Variants in MAP1LC3A observed in about 807,000 individuals in gnomAD.
MAP1LC3A encodes microtubule associated protein 1 light chain 3 alpha.
In MAP1LC3A, 10 loss-of-function variants were observed where a neutral mutation model predicts 15.2. That is an observed-to-expected ratio of 0.66 (90% confidence interval 0.41 to 1.12). The LOEUF (loss-of-function observed/expected upper bound fraction) is 1.12. MAP1LC3A is among the 50% of genes most tolerant of loss of function. The pLI is 0.00. For synonymous variants in MAP1LC3A, 63 were observed against 64.3 expected, an observed-to-expected ratio of 0.98 and a Z score of 0.10; for missense variants, 138 against 167.3, an observed-to-expected ratio of 0.82 and a Z score of 0.97.
chr20:34,559,397 G>T lies in MAP1LC3A; in HGVS notation c.147G>T (p.Lys49Asn). The stretch of plus-strand genomic sequence containing the variant: ...AGAAGCAGCTGCCCGTCCTGGACAA[G>T]ACCAAGTTTTTGGTCCCGGACCATG... Reference protein sequence around the residue: ...KGEKQLPVLDKTKFLVPDHVN... With the variant: ...KGEKQLPVLDNTKFLVPDHVN... Residue 49 changes from lysine to asparagine, a missense_variant, in exon 3 of 4, where the codon AAG (lysine) becomes AAT (asparagine). Lys to Asn is a moderately conservative substitution (Grantham distance 94). Coordinates refer to ENST00000360668, the MANE Select transcript of MAP1LC3A (RefSeq NM_032514.4). The T allele has an allele frequency of 6.3e-7, 1 of 1,581,354 alleles. No individual in the cohort carries two copies. Among genetic ancestry groups the T allele is most frequent in the Non-Finnish European group, 8.6e-7 (1 of 1,160,278 alleles).
chr20:34,556,373 A>AGTTCCT (rs1982158648), upstream of MAP1LC3A, among the ~76,000 whole-genome samples: 1 of 152,180 alleles, frequency 6.6e-6, no homozygotes, highest in Non-Finnish European at 1.5e-5. Flanking sequence ...ATTGAAAATA[A>AGTTCCT]TGTGTTGGTC....
At chr20:34,553,448 TG>T (rs369905075) in intron 2 of MAP1LC3A, among the ~76,000 whole-genome samples, 332 of 152,126 alleles carry the variant, frequency 2.2e-3, no homozygotes, top group African/African-American at 6.0e-3. Context: ...GCTTGGGACT[TG>T]GGGCCCTCCT....
intron 2 of MAP1LC3A, among the ~76,000 whole-genome samples, chr20:34,552,107 C>T (rs1323007013): frequency 6.6e-6 from 1 of 152,220 alleles, no homozygotes; most frequent in Non-Finnish European, 1.5e-5. Context: ...AAGCGATTCT[C>T]CTGCCTCAGC....
chr20:34,551,984 T>G (rs1011158861), intron 2 of MAP1LC3A, among the ~76,000 whole-genome samples: 3 of 152,176 alleles, frequency 2.0e-5, no homozygotes, highest in African/African-American at 7.2e-5. Flanking sequence ...GACAGAGACG[T>G]AATAAAGCAG....
In MAP1LC3A at chr20:34,553,619, C is replaced by T. The variant is rs140036834; in HGVS notation, c.52+3590C>T. ...GGTTTGTCCAGTTTGACACACAGCT[C>T]TGGATCAAAAGTCGGCAAACTAAGG... On this transcript the variant is annotated intron_variant, in intron 2 of 4. Transcript: ENST00000374837. 5.4e-4 allele frequency among the ~76,000 whole-genome samples: 83 copies of T among 152,340 alleles called. No homozygotes were observed. In the East Asian group the frequency reaches 0.015, roughly 28 times the overall value.
rs765284583 is a variant in MAP1LC3A at position 34,559,929 on chromosome 20, C to CG, written c.*34dup. 23 of 1,591,360 alleles carry CG rather than the reference C, an allele frequency of 1.4e-5. No homozygotes were observed. The highest frequency in any genetic ancestry group is 2.7e-5 in the African/African-American group (2 of 74,328). On this transcript the variant is annotated 3_prime_UTR_variant, in exon 4 of 4. Transcript: ENST00000360668. Reference sequence around the variant, plus strand: ...CAGTAGGGGGGCTCGGCCTGGGAGTCGGGCGGCCCCGGTCAGGCCCTGCCC... The same window carrying CG: ...CAGTAGGGGGGCTCGGCCTGGGAGTCGGGGCGGCCCCGGTCAGGCCCTGCCC...
chr20:34,548,796 C>T (rs1482140114), intron 1 of MAP1LC3A, among the ~76,000 whole-genome samples: 3 of 152,040 alleles, frequency 2.0e-5, no homozygotes, highest in Admixed American at 2.0e-4. Flanking sequence ...ACCTCCGCCT[C>T]CCGGGTTCAA....
rs1982288641 is a variant in MAP1LC3A at position 34,558,998 on chromosome 20, GCTCTGGCTGGACC to G, written c.40+94_40+106del. ...GGTGACGTCAGCCCCGTGACGTCAG[GCTCTGGCTGGACC>G]CTCGGGCTGGGACCAGCTCCGGCCT... On this transcript the variant is annotated intron_variant, in intron 1 of 3. Coordinates refer to ENST00000360668, the MANE Select transcript of MAP1LC3A (RefSeq NM_032514.4). This position sits in a 1 kb window ranked among gnomAD's most constrained non-coding sequence, Gnocchi z 4.3. 36 of 1,339,706 alleles carry G rather than the reference GCTCTGGCTGGACC, an allele frequency of 2.7e-5. No homozygotes were observed. The highest frequency in any genetic ancestry group is 5.4e-4 in the Middle Eastern group (2 of 3,700). The allele number at this position is 1,339,706 out of a possible 1,614,324, so 83.0% of individuals were successfully genotyped here.
At chr20:34,559,008 G>T (rs1175378998) in intron 1 of MAP1LC3A, 100 bp downstream of exon 1, 1 of 1,339,106 alleles carries the variant, frequency 7.5e-7, no homozygotes, top group African/African-American at 1.5e-5. Context: ...GCTCTGGCTG[G>T]ACCCTCGGGC....
chr20:34,556,139 G>T (rs1365240624), upstream of MAP1LC3A, among the ~76,000 whole-genome samples: 1 of 152,186 alleles, frequency 6.6e-6, no homozygotes, highest in Admixed American at 6.5e-5. Context: ...ACTGCGCCCG[G>T]CCACCAAGTT....
At chr20:34,558,025 C>G (rs561792511), upstream of MAP1LC3A, 893 of 972,328 alleles carry the variant, frequency 9.2e-4, no homozygotes, top group Non-Finnish European at 1.0e-3. The surrounding 1 kb of genome is among the most constrained non-coding windows in gnomAD (Gnocchi z 4.3). Context: ...GGAACTGTCT[C>G]TGCAGGTCTT....
At chr20:34,557,895 C>A (rs1982217929), upstream of MAP1LC3A, among the ~76,000 whole-genome samples, 1 of 152,186 alleles carries the variant, frequency 6.6e-6, no homozygotes, top group South Asian at 2.1e-4. Flanking sequence ...CACCACTGCA[C>A]CCCAGCCTGG....
chr20:34,558,016 G>A (rs1190136242), upstream of MAP1LC3A: 15 of 951,990 alleles, frequency 1.6e-5, no homozygotes, highest in African/African-American at 1.8e-5. This position sits in a 1 kb window ranked among gnomAD's most constrained non-coding sequence, Gnocchi z 4.3. Context: ...TCTTTTTCAG[G>A]AACTGTCTCT....
Position 34,559,355 on chromosome 20 carries a change from C to G in MAP1LC3A, c.105C>G (p.Ile35Met). 1.4e-6 allele frequency: 2 copies of G among 1,425,076 alleles called. No homozygotes were observed. Among genetic ancestry groups the G allele is most frequent in the Non-Finnish European group, 1.9e-6 (2 of 1,042,090 alleles). The allele number at this position is 1,425,076 out of a possible 1,614,324, so 88.3% of individuals were successfully genotyped here. The change falls in exon 3 of 4, where the codon ATC (isoleucine) becomes ATG (methionine). Residue 35 changes from isoleucine to methionine, a missense_variant. Ile to Met is a conservative substitution (Grantham distance 10, BLOSUM62 1). Transcript: ENST00000360668. ...GCCCGCCCTGCTCCCAGGTGATCAT[C>G]GAGCGCTACAAGGGTGAGAAGCAGC... Reference protein sequence around the residue: ...DQHPSKIPVIIERYKGEKQLP... With the variant: ...DQHPSKIPVIMERYKGEKQLP...
At chr20:34,559,686 C>G (rs770017526) in intron 3 of MAP1LC3A, 50 bp from the exon 4 acceptor site, 2 of 1,550,584 alleles carry the variant, frequency 1.3e-6, no homozygotes, top group Non-Finnish European at 1.7e-6. Context: ...GGGCTATGTC[C>G]GTCCCGCAGC....
chr20:34,558,486 C>T (rs910040526), upstream of MAP1LC3A: 7 of 1,027,556 alleles, frequency 6.8e-6, no homozygotes, highest in African/African-American at 1.0e-4. This position sits in a 1 kb window ranked among gnomAD's most constrained non-coding sequence, Gnocchi z 4.3. Flanking sequence ...TAGGGCGGCC[C>T]CACCGCCCTC....
chr20:34,552,479 C>G (rs1016576759), intron 2 of MAP1LC3A, among the ~76,000 whole-genome samples: 34 of 152,230 alleles, frequency 2.2e-4, no homozygotes, highest in Non-Finnish European at 3.7e-4. Context: ...CACAGAGATC[C>G]CGGGGAAGGA....
upstream of MAP1LC3A, among the ~76,000 whole-genome samples, chr20:34,554,796 G>C (rs528494019): frequency 6.6e-6 from 1 of 152,012 alleles, no homozygotes; most frequent in South Asian, 2.1e-4. Context: ...AGCCTCCCAC[G>C]TAGCTGGACT....
intron 1 of MAP1LC3A, chr20:34,549,843 G>A (rs879128477): frequency 1.9e-5 from 13 of 702,224 alleles, no homozygotes; most frequent in Middle Eastern, 2.4e-4. Flanking sequence ...CTTCAATCTC[G>A]TCCAGAGTCA....
Sources: allele counts gnomAD v4.1 joint callset (sites outside exome capture counted in the v4.1 genomes callset), GRCh38; gene constraint gnomAD v4.1.1; non-coding constraint Gnocchi (gnomAD v3.1); transcripts MANE v1.5; gene names NCBI Gene and HGNC (gene_info 2026-07-23, HGNC 2026-07-21).